Variants in SMARCC1 observed in about 807,000 individuals in gnomAD.
The protein encoded by SMARCC1 is SWI/SNF related BAF chromatin remodeling complex subunit C1.
In SMARCC1, 43 loss-of-function variants were observed where a neutral mutation model predicts 147.4. The ratio of observed to expected loss-of-function variants is 0.29; its 90% CI spans 0.23 to 0.38. The LOEUF (loss-of-function observed/expected upper bound fraction) is 0.38. Ranked by LOEUF, SMARCC1 falls within the 10% of genes least tolerant of loss-of-function variation. SMARCC1 has a pLI of 1.00. For missense variants in SMARCC1, 1,119 were observed against 1,381.1 expected, an observed-to-expected ratio of 0.81 and a Z score of 3.01; for synonymous variants, 495 against 484.4, an observed-to-expected ratio of 1.02 and a Z score of -0.29.
At chr3:47,716,245 C>T (rs1020723955) in intron 7 of SMARCC1, among the ~76,000 whole-genome samples, 1 of 151,444 alleles carries the variant, frequency 6.6e-6, no homozygotes, top group African/African-American at 2.4e-5. Flanking sequence ...GGTGAAATCC[C>T]GTTTCTATTA....
At chr3:47,734,760 T>A (rs2034420036) in intron 5 of SMARCC1, among the ~76,000 whole-genome samples, 1 of 152,130 alleles carries the variant, frequency 6.6e-6, no homozygotes. Flanking sequence ...CAAAGCAAGC[T>A]TGAGGGGGCA....
At chr3:47,724,908 A>G (rs1344088665) in intron 6 of SMARCC1, among the ~76,000 whole-genome samples, 1 of 151,784 alleles carries the variant, frequency 6.6e-6, no homozygotes, top group African/African-American at 2.4e-5. Context: ...TAAATTAGCC[A>G]TGTGTGGTGT....
intron 8 of SMARCC1, 98 bp downstream of exon 8, chr3:47,714,317 C>T (rs1157916289): frequency 2.1e-5 from 15 of 712,210 alleles, no homozygotes; most frequent in South Asian, 6.5e-5. Context: ...AAGCCAAGAT[C>T]GCACCACTCC....
At chr3:47,638,614 G>C in intron 22 of SMARCC1, 111 bp downstream of exon 22, 1 of 746,234 alleles carries the variant, frequency 1.3e-6, no homozygotes, top group East Asian at 2.4e-5. Flanking sequence ...AGTCCAAGTA[G>C]CTGATAGAAT....
chr3:47,766,415 C>A (rs1223832918), intron 2 of SMARCC1, among the ~76,000 whole-genome samples: 12 of 149,218 alleles, frequency 8.0e-5, no homozygotes, highest in Admixed American at 1.3e-4. Flanking sequence ...AAAAAAAAAA[C>A]AAAAATTAGC....
chr3:47,743,385 C>T (rs2034530989), intron 3 of SMARCC1, among the ~76,000 whole-genome samples: 1 of 152,170 alleles, frequency 6.6e-6, no homozygotes, highest in African/African-American at 2.4e-5. Flanking sequence ...CTATCCTTTA[C>T]GTCTTTTTTA....
chr3:47,680,411 C>CA, intron 15 of SMARCC1, 26 bp downstream of exon 15: 1 of 1,558,112 alleles, frequency 6.4e-7, no homozygotes, highest in Non-Finnish European at 8.8e-7. Flanking sequence ...GGCAAATAAA[C>CA]AAGTTTTCTA....
chr3:47,687,639 T>C (rs567380597), intron 13 of SMARCC1, among the ~76,000 whole-genome samples: 8 of 152,308 alleles, frequency 5.3e-5, no homozygotes, highest in African/African-American at 1.9e-4. Context: ...AGCTAATCTT[T>C]TAAGTTTTTG....
intron 3 of SMARCC1, among the ~76,000 whole-genome samples, chr3:47,743,215 G>A (rs186585412): frequency 6.6e-6 from 1 of 152,114 alleles, no homozygotes; most frequent in Admixed American, 6.6e-5. Flanking sequence ...AACAGAGTGG[G>A]GAGTTACTAA....
chr3:47,697,421 C>T (rs1202515920), intron 11 of SMARCC1, among the ~76,000 whole-genome samples: 2 of 151,692 alleles, frequency 1.3e-5, no homozygotes, highest in African/African-American at 4.8e-5. Context: ...TTGCCTCAGC[C>T]TCCCGAGTAG....
At chr3:47,732,268 T>C (rs2034383472) in intron 5 of SMARCC1, among the ~76,000 whole-genome samples, 1 of 152,220 alleles carries the variant, frequency 6.6e-6, no homozygotes, top group Non-Finnish European at 1.5e-5. Flanking sequence ...TGAAGAGAGT[T>C]AGGCCTTTGT....
chr3:47,777,730 A>G (rs907211920), intron 1 of SMARCC1, among the ~76,000 whole-genome samples: 4 of 147,144 alleles, frequency 2.7e-5, no homozygotes, highest in African/African-American at 7.5e-5. Flanking sequence ...GTTTCACCAC[A>G]TTGGCCAGGC....
intron 26 of SMARCC1, among the ~76,000 whole-genome samples, chr3:47,602,925 G>A (rs1043700660): frequency 1.3e-5 from 2 of 152,116 alleles, no homozygotes; most frequent in Non-Finnish European, 2.9e-5. Flanking sequence ...CAAGGCGAGA[G>A]GATCGCGTGA....
intron 24 of SMARCC1, among the ~76,000 whole-genome samples, chr3:47,631,257 C>T (rs908496933): frequency 2.0e-5 from 3 of 152,144 alleles, no homozygotes; most frequent in Middle Eastern, 3.2e-3. Flanking sequence ...AGAGCTAATA[C>T]CCAATTACCA....
rs185037010 is a variant in SMARCC1, at chr3:47,622,117, C to G, written c.2781+90G>C. Reference sequence around the variant, plus strand: ...AAGTTAGCCATGGAGACCAAGAGAACAGGCTACCATTTATTTTATCTAACT... The same window carrying G: ...AAGTTAGCCATGGAGACCAAGAGAAGAGGCTACCATTTATTTTATCTAACT... On this transcript the variant is annotated intron_variant, in intron 25 of 27. Coordinates refer to ENST00000254480, the MANE Select transcript of SMARCC1 (RefSeq NM_003074.4). 71 of 1,165,636 alleles carry G rather than the reference C, an allele frequency of 6.1e-5. No homozygotes were observed. In the African/African-American group the frequency reaches 9.4e-4, roughly 15 times the overall value. The allele number at this position is 1,165,636 out of a possible 1,614,324, so 72.2% of individuals were successfully genotyped here.
intron 26 of SMARCC1, among the ~76,000 whole-genome samples, chr3:47,605,987 AAAGG>A (rs1346498714): frequency 4.0e-5 from 6 of 150,350 alleles, no homozygotes; most frequent in African/African-American, 1.5e-4. Flanking sequence ...CTGCAAGTAT[AAAGG>A]AAGTAAAAAA....
intron 23 of SMARCC1, among the ~76,000 whole-genome samples, 181 bp from the exon 24 acceptor site, chr3:47,635,525 A>T (rs116235018): frequency 2.2e-3 from 330 of 152,300 alleles, no homozygotes; most frequent in African/African-American, 7.7e-3. Context: ...TATTGGGGAC[A>T]TATTTTCTAA....
intron 5 of SMARCC1, among the ~76,000 whole-genome samples, chr3:47,729,974 T>A (rs916654855): frequency 2.6e-5 from 4 of 151,946 alleles, no homozygotes. Flanking sequence ...AGGTCAGGAG[T>A]TCGAGACCAG....
intron 26 of SMARCC1, among the ~76,000 whole-genome samples, chr3:47,605,543 G>A (rs1342460270): frequency 1.3e-5 from 2 of 152,122 alleles, no homozygotes; most frequent in Non-Finnish European, 2.9e-5. Flanking sequence ...AGGCGGAGGC[G>A]GGAGGACTAC....
Sources: allele counts gnomAD v4.1 joint callset (sites outside exome capture counted in the v4.1 genomes callset), GRCh38; gene constraint gnomAD v4.1.1; transcripts MANE v1.5; gene names NCBI Gene and HGNC (gene_info 2026-07-23, HGNC 2026-07-21).